Variants in SNTG1 observed in about 807,000 individuals in gnomAD.
SNTG1 encodes gamma-1-syntrophin.
A neutral mutation model predicts 74.7 loss-of-function variants in SNTG1; 39 were observed. The observed-to-expected ratio is 0.52, with a 90% confidence interval of 0.40 to 0.68. The LOEUF (loss-of-function observed/expected upper bound fraction) is 0.68. Among genes scored for constraint, SNTG1 ranks in the 30% least tolerant of loss-of-function variants. SNTG1 has a pLI of 0.00. For synonymous variants in SNTG1, 254 were observed against 217.1 expected, an observed-to-expected ratio of 1.17 and a Z score of -1.49; for missense variants, 685 against 609.5, an observed-to-expected ratio of 1.12 and a Z score of -1.30.
At chr8:50,370,490 T>C (rs1471858377) in intron 2 of SNTG1, among the ~76,000 whole-genome samples, 1 of 152,152 alleles carries the variant, frequency 6.6e-6, no homozygotes, top group Non-Finnish European at 1.5e-5. Flanking sequence ...AGGAGGCTTC[T>C]CCATTTTCAG....
intron 4 of SNTG1, among the ~76,000 whole-genome samples, chr8:50,421,094 T>C (rs1159470369): frequency 6.8e-6 from 1 of 147,400 alleles, no homozygotes; most frequent in Non-Finnish European, 1.5e-5. Context: ...GAAAGTAAGG[T>C]TTCTATTACT....
intron 2 of SNTG1, among the ~76,000 whole-genome samples, chr8:50,206,608 C>T (rs1009060829): frequency 6.6e-6 from 1 of 152,038 alleles, no homozygotes; most frequent in Non-Finnish European, 1.5e-5. Flanking sequence ...ACTATTTTGA[C>T]TAGGAGTGGT....
intron 1 of SNTG1, among the ~76,000 whole-genome samples, chr8:49,922,444 T>C (rs1234042764): frequency 2.0e-5 from 3 of 152,108 alleles, no homozygotes; most frequent in Non-Finnish European, 4.4e-5. Flanking sequence ...ATTTATTCCC[T>C]CACCACTGAT....
At chr8:50,649,508 A>G (rs1036923943) in intron 13 of SNTG1, among the ~76,000 whole-genome samples, 16 of 152,146 alleles carry the variant, frequency 1.1e-4, no homozygotes, top group Non-Finnish European at 2.4e-4. Flanking sequence ...CAAAAAAAGA[A>G]GTGAGGAGTC....
chr8:50,264,658 A>G (rs1023609839), intron 2 of SNTG1, among the ~76,000 whole-genome samples: 5 of 151,828 alleles, frequency 3.3e-5, no homozygotes, highest in African/African-American at 9.7e-5. Flanking sequence ...TAAAATGGAA[A>G]CACATAAAAA....
At chr8:50,666,100 G>C in intron 15 of SNTG1, among the ~76,000 whole-genome samples, 1 of 151,956 alleles carries the variant, frequency 6.6e-6, no homozygotes, top group Non-Finnish European at 1.5e-5. Context: ...CTAACTAGGA[G>C]GAAACATCTA....
chr8:50,276,391 AT>A (rs2088108389), intron 2 of SNTG1, among the ~76,000 whole-genome samples: 1 of 39,874 alleles, frequency 2.5e-5, no homozygotes, highest in Non-Finnish European at 1.0e-4. Context: ...ATATATATAT[AT>A]ATATATATAT....
chr8:50,220,919 A>G (rs2085032764), intron 2 of SNTG1, among the ~76,000 whole-genome samples: 1 of 152,210 alleles, frequency 6.6e-6, no homozygotes, highest in African/African-American at 2.4e-5. Flanking sequence ...TTATTAACAA[A>G]TCACCCATGA....
At chr8:50,237,976 TTAAGA>T (rs1428936467) in intron 2 of SNTG1, among the ~76,000 whole-genome samples, 3 of 152,164 alleles carry the variant, frequency 2.0e-5, no homozygotes. Context: ...CTTTTTGTTT[TTAAGA>T]TAAGACACAT....
intron 2 of SNTG1, among the ~76,000 whole-genome samples, chr8:50,291,320 G>A (rs1177342895): frequency 6.6e-6 from 1 of 151,872 alleles, no homozygotes; most frequent in Non-Finnish European, 1.5e-5. Context: ...ACAAAACAGG[G>A]TAGAAGGAAA....
At chr8:50,257,332 C>G (rs1374403156) in intron 2 of SNTG1, among the ~76,000 whole-genome samples, 1 of 152,164 alleles carries the variant, frequency 6.6e-6, no homozygotes, top group Non-Finnish European at 1.5e-5. Context: ...CAAATGCTGC[C>G]ATTTACATCT....
chr8:50,324,716 G>C (rs11773993), intron 2 of SNTG1, among the ~76,000 whole-genome samples: 94,083 of 151,678 alleles, frequency 0.62, 33,988 homozygotes, highest in East Asian at 0.88. Context: ...TCATTTCCTT[G>C]AGAGTGTCAA....
At chr8:50,749,769 T>C (rs1585703538) in intron 17 of SNTG1, among the ~76,000 whole-genome samples, 1 of 152,142 alleles carries the variant, frequency 6.6e-6, no homozygotes, top group South Asian at 2.1e-4. Flanking sequence ...AAGTCCACTA[T>C]TGACACCCAC....
At chr8:50,430,979 T>A (rs1002274121) in intron 4 of SNTG1, among the ~76,000 whole-genome samples, 1 of 152,212 alleles carries the variant, frequency 6.6e-6, no homozygotes, top group Non-Finnish European at 1.5e-5. Context: ...TCCTTTAGCC[T>A]TTCATCTTTA....
chr8:50,502,267 T>G (rs942634062), intron 8 of SNTG1, among the ~76,000 whole-genome samples: 3 of 152,164 alleles, frequency 2.0e-5, no homozygotes, highest in Non-Finnish European at 4.4e-5. Context: ...TTGGGTCAAT[T>G]TGCTTTAATC....
chr8:50,755,546 T>C (rs2095578268), intron 18 of SNTG1, among the ~76,000 whole-genome samples: 1 of 151,938 alleles, frequency 6.6e-6, no homozygotes, highest in African/African-American at 2.4e-5. Context: ...TTAGAAATTA[T>C]AAACAAAACT....
chr8:50,660,338 GAA>G (rs2095213142), intron 15 of SNTG1, among the ~76,000 whole-genome samples: 1 of 128,588 alleles, frequency 7.8e-6, no homozygotes, highest in South Asian at 2.5e-4. Flanking sequence ...AAGAAAGAAA[GAA>G]AGAGAAAGAA....
intron 1 of SNTG1, among the ~76,000 whole-genome samples, chr8:50,056,446 A>G (rs765702187): frequency 4.6e-5 from 7 of 152,130 alleles, no homozygotes; most frequent in Non-Finnish European, 1.0e-4. Context: ...TCCATGCCAG[A>G]CATATGACAC....
chr8:50,182,128 A>AT (rs1554598926), intron 2 of SNTG1, among the ~76,000 whole-genome samples: 10 of 152,224 alleles, frequency 6.6e-5, no homozygotes, highest in Non-Finnish European at 7.3e-5. Context: ...ACGAAGATCT[A>AT]TTTTAGAAGA....
Sources: allele counts gnomAD v4.1 joint callset (sites outside exome capture counted in the v4.1 genomes callset), GRCh38; gene constraint gnomAD v4.1.1; transcripts MANE v1.5; gene names NCBI Gene and HGNC (gene_info 2026-07-23, HGNC 2026-07-21).